Variants in LPL observed in about 807,000 individuals in gnomAD.
The protein encoded by LPL is lipoprotein lipase.
Under a neutral mutation model 52.2 loss-of-function variants are expected in LPL, and 43 were observed. The ratio of observed to expected loss-of-function variants is 0.82; its 90% confidence interval spans 0.64 to 1.06. The LOEUF (loss-of-function observed/expected upper bound fraction) is 1.06, where lower values mean the gene tolerates loss of function less well. Among genes scored for constraint, LPL ranks in the 50% least tolerant of loss-of-function variants. LPL has a pLI of 0.00. For missense variants in LPL, 639 were observed against 585.3 expected, an observed-to-expected ratio of 1.09 and a Z score of -0.95; for synonymous variants, 244 against 215.6, an observed-to-expected ratio of 1.13 and a Z score of -1.15.
Position 19,965,503 on chromosome 8 carries a change from A to G in LPL, c.*193A>G, listed in dbSNP as rs1235299028. On this transcript the variant is annotated 3_prime_UTR_variant, in exon 10 of 10. Transcript: ENST00000650287. ...CAAGCACTAAAAAGTGGCTAATTCA[A>G]TTTATGGGGTATAGTGGCCAAATAG... 4 of 576,638 alleles carry G rather than the reference A, an allele frequency of 6.9e-6. No individual in the cohort carries two copies. The highest frequency in any genetic ancestry group is 2.3e-5 in the South Asian group (1 of 43,270). The allele number at this position is 576,638 out of a possible 1,614,324, so 35.7% of individuals were successfully genotyped here.
intron 9 of LPL, among the ~76,000 whole-genome samples, chr8:19,964,693 T>A (rs2070070301): frequency 6.6e-6 from 1 of 152,098 alleles, no homozygotes; most frequent in Non-Finnish European, 1.5e-5. Flanking sequence ...CATGCCCAGC[T>A]AATTTTTCTG....
At chr8:19,963,767 G>C (rs1193139557) in intron 9 of LPL, among the ~76,000 whole-genome samples, 3 of 152,124 alleles carry the variant, frequency 2.0e-5, no homozygotes, top group African/African-American at 7.2e-5. Flanking sequence ...GAGCATTCAG[G>C]ATAAACTCAA....
intron 5 of LPL, among the ~76,000 whole-genome samples, chr8:19,955,607 G>A (rs2069977190): frequency 1.3e-5 from 2 of 152,052 alleles, no homozygotes; most frequent in Non-Finnish European, 2.9e-5. Context: ...AATATAAGAA[G>A]CACAAAAGTC....
intron 1 of LPL, among the ~76,000 whole-genome samples, chr8:19,947,675 C>T (rs2069894093): frequency 1.5e-5 from 2 of 132,090 alleles, no homozygotes; most frequent in Admixed American, 8.3e-5. Context: ...CCGCCCCACA[C>T]ACACACAAAT....
rs74926303 is a variant in LPL at position 19,959,400 on chromosome 8, G to T, written c.1139+20G>T. On this transcript the variant is annotated intron_variant, in intron 7 of 9. Transcript: ENST00000650287. ...CACTCTGTGAGTAGCACAGGGGGGC[G>T]GTCATCATGGCACCAGTCCCTCTCC... is the stretch of plus-strand genomic sequence containing the variant. 44 of 1,613,536 alleles carry T rather than the reference G, an allele frequency of 2.7e-5. No homozygotes were observed. The highest frequency in any genetic ancestry group is 3.5e-5 in the Non-Finnish European group (41 of 1,179,856).
At chr8:19,954,865 C>T (rs1164851544) in intron 5 of LPL, among the ~76,000 whole-genome samples, 3 of 151,954 alleles carry the variant, frequency 2.0e-5, no homozygotes, top group Admixed American at 2.0e-4. Flanking sequence ...ATTCTATTGC[C>T]CAAGCTGGGG....
chr8:19,962,089 A>G (rs768815048), intron 8 of LPL, 26 bp from the exon 9 acceptor site: 19 of 1,457,522 alleles, frequency 1.3e-5, no homozygotes, highest in East Asian at 2.3e-5. Flanking sequence ...TCTACATGGC[A>G]TATTCACATC....
intron 7 of LPL, 102 bp downstream of exon 7, chr8:19,959,482 C>G (rs938917842): frequency 5.4e-5 from 76 of 1,403,008 alleles, no homozygotes; most frequent in Non-Finnish European, 6.7e-5. Flanking sequence ...GAAAACAAGT[C>G]TTTAGTTAAA....
rs1045782960 is a variant in LPL at position 19,967,246 on chromosome 8, A to G, written c.*1936A>G. The G allele has an allele frequency of 1.3e-5, 2 of 152,640 alleles. No homozygotes were observed. The highest frequency in any genetic ancestry group is 4.8e-5 in the African/African-American group (2 of 41,452). The allele number at this position is 152,640 out of a possible 1,614,324, so 9.5% of individuals were successfully genotyped here. A position where few individuals can be genotyped will look rare whatever the true frequency, so the allele number is the denominator to read the frequency against. The stretch of plus-strand genomic sequence containing the variant: ...ATCAGCTTTTAATAAAATTGACAAC[A>G]TTTTATTACCACACTAAGTCATTAT... On this transcript the variant is annotated 3_prime_UTR_variant, in exon 10 of 10. Coordinates refer to ENST00000650287, the MANE Select transcript of LPL (RefSeq NM_000237.3).
chr8:19,949,623 C>G (rs2069915771), intron 2 of LPL, among the ~76,000 whole-genome samples: 1 of 152,120 alleles, frequency 6.6e-6, no homozygotes, highest in Admixed American at 6.5e-5. Context: ...GCTGGGACTA[C>G]AGGCGCCCAC....
At chr8:19,954,791 TTAA>T (rs1414126038) in intron 5 of LPL, among the ~76,000 whole-genome samples, 2 of 152,222 alleles carry the variant, frequency 1.3e-5, no homozygotes, top group Non-Finnish European at 2.9e-5. Context: ...ATGTTTTACT[TTAA>T]TAATGTTAGC....
intron 7 of LPL, among the ~76,000 whole-genome samples, chr8:19,959,749 G>A (rs992510747): frequency 7.4e-6 from 1 of 135,060 alleles, no homozygotes; most frequent in South Asian, 2.7e-4. Flanking sequence ...AATATAAGTA[G>A]TAAGAAGTCC....
intron 8 of LPL, among the ~76,000 whole-genome samples, chr8:19,961,286 G>T: frequency 6.6e-6 from 1 of 151,236 alleles, no homozygotes; most frequent in South Asian, 2.1e-4. Flanking sequence ...CAGTATTTTT[G>T]TATTTCATGT....
At chr8:19,945,056 ATTTC>A (rs1343374416) in intron 1 of LPL, among the ~76,000 whole-genome samples, 1 of 151,434 alleles carries the variant, frequency 6.6e-6, no homozygotes, top group African/African-American at 2.4e-5. Context: ...GGTGGCCTTA[ATTTC>A]TAAGGGACAT....
rs529353591 is a variant in LPL, at chr8:19,956,761, T to G, written c.1018+678T>G. Among the ~76,000 whole-genome samples the G allele has an allele frequency of 8.5e-5, 13 of 152,302 alleles. No homozygotes were observed. The South Asian group carries it at 2.1e-3, about 24-fold the overall frequency. The stretch of plus-strand genomic sequence containing the variant: ...TTGATAGCCCACAGAGCCTAAAATA[T>G]TTACTCCCTGGCCCTTTACAGAATG... On this transcript the variant is annotated intron_variant, in intron 6 of 9. Transcript: ENST00000650287.
intron 6 of LPL, 38 bp from the exon 7 acceptor site, chr8:19,959,222 A>G (rs1482535223): frequency 6.2e-7 from 1 of 1,613,716 alleles, no homozygotes; most frequent in Non-Finnish European, 8.5e-7. Flanking sequence ...ATATTTTCAT[A>G]AAGATTGATC....
At chr8:19,947,508 C>T (rs953289236) in intron 1 of LPL, among the ~76,000 whole-genome samples, 3 of 152,214 alleles carry the variant, frequency 2.0e-5, no homozygotes, top group Admixed American at 1.3e-4. Context: ...CGTGGTGGCA[C>T]GCACCTGTGG....
rs1358697554 is a variant in LPL at position 19,950,999 on chromosome 8, G to A, written c.250-770G>A. Reference sequence around the variant, plus strand: ...ACACTGGTAGTACAGAAAAACTTCTGATAGAGGCCTAGAGTAAACCCGATT... The same window carrying A: ...ACACTGGTAGTACAGAAAAACTTCTAATAGAGGCCTAGAGTAAACCCGATT... On this transcript the variant is annotated intron_variant, in intron 2 of 9. Transcript: ENST00000650287. The surrounding 1 kb of genome is among the most constrained non-coding windows in gnomAD (Gnocchi z 4.2). Among the ~76,000 whole-genome samples the A allele has an allele frequency of 2.6e-5, 4 of 151,946 alleles. No individual in the cohort carries two copies. The highest frequency in any genetic ancestry group is 2.1e-4 in the South Asian group (1 of 4,826).
At chr8:19,947,260 T>A (rs2069889301) in intron 1 of LPL, among the ~76,000 whole-genome samples, 1 of 152,138 alleles carries the variant, frequency 6.6e-6, no homozygotes, top group African/African-American at 2.4e-5. Flanking sequence ...ATCCCAGCAC[T>A]TTAGGAGGCT....
Sources: gnomAD v4.1 joint callset for allele counts (sites outside exome capture counted in the v4.1 genomes callset) on GRCh38, gnomAD v4.1.1 for gene constraint, Gnocchi (gnomAD v3.1) non-coding constraint, MANE v1.5 for transcripts, NCBI Gene and HGNC (gene_info 2026-07-23, HGNC 2026-07-21) for gene names.